ZDHHC14: variants seen among roughly 807,000 people sequenced by gnomAD.
ZDHHC14 encodes palmitoyltransferase ZDHHC14.
Under a neutral mutation model 47.7 loss-of-function variants are expected in ZDHHC14, and 16 were observed. The observed-to-expected ratio is 0.34, with a 90% CI of 0.23 to 0.51. The LOEUF (loss-of-function observed/expected upper bound fraction) is 0.51. Among genes scored for constraint, ZDHHC14 ranks in the 20% least tolerant of loss-of-function variants. ZDHHC14 has a pLI of 0.97. For synonymous variants in ZDHHC14, 293 were observed against 278.9 expected, an observed-to-expected ratio of 1.05 and a Z score of -0.50; for missense variants, 515 against 662.5, an observed-to-expected ratio of 0.78 and a Z score of 2.44.
chr6:157,635,525 T>C (rs1776929507), intron 5 of ZDHHC14, among the ~76,000 whole-genome samples: 1 of 152,248 alleles, frequency 6.6e-6, no homozygotes, highest in African/African-American at 2.4e-5. Flanking sequence ...TTGACAATGA[T>C]ATGCTGACAA....
At chr6:157,668,097 C>T (rs1266618600) in intron 8 of ZDHHC14, among the ~76,000 whole-genome samples, 1 of 152,188 alleles carries the variant, frequency 6.6e-6, no homozygotes, top group African/African-American at 2.4e-5. Flanking sequence ...GTTTTCAAAG[C>T]TGTGAACTAC....
At chr6:157,647,008 G>A (rs1320252088) in intron 6 of ZDHHC14, among the ~76,000 whole-genome samples, 1 of 152,168 alleles carries the variant, frequency 6.6e-6, no homozygotes, top group Non-Finnish European at 1.5e-5. Flanking sequence ...ATATGAGATG[G>A]CCTTTTAGTA....
intron 5 of ZDHHC14, among the ~76,000 whole-genome samples, chr6:157,643,697 C>CT (rs1777378055): frequency 1.0e-5 from 1 of 97,754 alleles, no homozygotes; most frequent in African/African-American, 3.6e-5. Flanking sequence ...TTTATTGTTG[C>CT]TATAAACCTT....
intron 1 of ZDHHC14, among the ~76,000 whole-genome samples, chr6:157,464,427 TTATTAAATTAGATAATTCCTGATTAGA>T (rs1211458942): frequency 6.6e-6 from 1 of 152,254 alleles, no homozygotes; most frequent in Admixed American, 6.5e-5. Flanking sequence ...AGACCAGGAC[TTATTAAATTAGATAATTCCTGATTAGA>T]TATTCTATTT....
intron 1 of ZDHHC14, among the ~76,000 whole-genome samples, chr6:157,416,536 G>A (rs62422842): frequency 2.4e-3 from 369 of 151,814 alleles, no homozygotes; most frequent in Non-Finnish European, 4.2e-3. Context: ...AGGTGTGGTG[G>A]CACATACCTG....
chr6:157,592,675 G>A (rs953163242), intron 2 of ZDHHC14: 8 of 1,014,890 alleles, frequency 7.9e-6, no homozygotes, highest in Non-Finnish European at 8.6e-6. Flanking sequence ...CTCTCCTGCC[G>A]CCTACAGGGA....
intron 1 of ZDHHC14, among the ~76,000 whole-genome samples, chr6:157,484,442 A>G (rs182627588): frequency 6.7e-4 from 98 of 145,412 alleles, no homozygotes; most frequent in East Asian, 1.4e-3. Flanking sequence ...GTATATATAC[A>G]TATATATGTA....
rs192853518 is a variant in ZDHHC14 at position 157,409,842 on chromosome 6, G to C, written c.245+27576G>C. Among the ~76,000 whole-genome samples the C allele has an allele frequency of 1.1e-4, 17 of 151,616 alleles. No homozygotes were observed. The East Asian group carries it at 3.1e-3, about 28-fold the overall frequency. On this transcript the variant is annotated intron_variant, in intron 1 of 8. Coordinates refer to ENST00000359775, the MANE Select transcript of ZDHHC14 (RefSeq NM_024630.3). ...TTTATTTTATTATTTTATTTTTTGG[G>C]GGGGGGGACAGAGTCTTCTTCTGTC...
At chr6:157,412,397 G>A (rs1269617430) in intron 1 of ZDHHC14, among the ~76,000 whole-genome samples, 7 of 149,238 alleles carry the variant, frequency 4.7e-5, no homozygotes, top group Non-Finnish European at 1.0e-4. Flanking sequence ...GGTTCAAGTG[G>A]TTCTCCTGCC....
intron 2 of ZDHHC14, among the ~76,000 whole-genome samples, chr6:157,562,783 G>A (rs1329772208): frequency 6.6e-6 from 1 of 152,206 alleles, no homozygotes; most frequent in Non-Finnish European, 1.5e-5. Flanking sequence ...TTATGTGTGT[G>A]AAGTGTAGTG....
At chr6:157,437,330 T>G (rs1422712344) in intron 1 of ZDHHC14, among the ~76,000 whole-genome samples, 1 of 152,250 alleles carries the variant, frequency 6.6e-6, no homozygotes, top group African/African-American at 2.4e-5. Context: ...AGGAGGCCAC[T>G]TTCCCTCCAG....
At chr6:157,619,778 G>A (rs1285502251) in intron 3 of ZDHHC14, among the ~76,000 whole-genome samples, 1 of 152,034 alleles carries the variant, frequency 6.6e-6, no homozygotes, top group East Asian at 1.9e-4. Flanking sequence ...CACTGTCAAG[G>A]ACTCAAAACC....
chr6:157,665,991 C>T (rs1298106379), intron 8 of ZDHHC14, among the ~76,000 whole-genome samples: 1 of 152,180 alleles, frequency 6.6e-6, no homozygotes, highest in African/African-American at 2.4e-5. Context: ...ACCACATTTT[C>T]ATTATTGCTG....
chr6:157,653,731 G>A (rs1454641889), intron 8 of ZDHHC14, 104 bp downstream of exon 8: 2 of 1,181,072 alleles, frequency 1.7e-6, no homozygotes, highest in Non-Finnish European at 2.4e-6. Context: ...CAGGAGCGGG[G>A]GCAGCCCACA....
At chr6:157,528,960 G>T (rs1164426923) in intron 1 of ZDHHC14, among the ~76,000 whole-genome samples, 2 of 151,712 alleles carry the variant, frequency 1.3e-5, no homozygotes, top group African/African-American at 4.8e-5. Context: ...AAGACTGGGG[G>T]TGGGAGTGGG....
rs537955998 is a variant in ZDHHC14, at chr6:157,412,764, C to T, written c.245+30498C>T. ...GATAGCAGGAGACCACGTAGGTGCACGCCCACGTCAGAATCAGAGCAAAAC... is the reference window on the plus strand; with the variant it reads ...GATAGCAGGAGACCACGTAGGTGCATGCCCACGTCAGAATCAGAGCAAAAC... On this transcript the variant is annotated intron_variant, in intron 1 of 8. Coordinates refer to ENST00000359775, the MANE Select transcript of ZDHHC14 (RefSeq NM_024630.3). Among the ~76,000 whole-genome samples the T allele has an allele frequency of 1.4e-4, 21 of 152,268 alleles. No individual in the cohort carries two copies. The East Asian group carries it at 2.7e-3, about 20-fold the overall frequency.
intron 1 of ZDHHC14, among the ~76,000 whole-genome samples, chr6:157,514,314 A>G (rs1041976261): frequency 6.6e-6 from 1 of 152,166 alleles, no homozygotes; most frequent in African/African-American, 2.4e-5. Context: ...CTCAGGATCC[A>G]TCTACTCTTC....
chr6:157,429,849 C>T (rs9364987), intron 1 of ZDHHC14, among the ~76,000 whole-genome samples: 36,306 of 151,868 alleles, frequency 0.24, 4,564 homozygotes, highest in African/African-American at 0.31. Context: ...TGGCAAGAGA[C>T]AATGGAGGTA....
intron 8 of ZDHHC14, among the ~76,000 whole-genome samples, chr6:157,660,602 T>A (rs1160735309): frequency 1.3e-5 from 2 of 152,202 alleles, no homozygotes. Context: ...GGATAATTTA[T>A]TACAATCTGT....
Sources: allele counts gnomAD v4.1 joint callset (sites outside exome capture counted in the v4.1 genomes callset), GRCh38; gene constraint gnomAD v4.1.1; transcripts MANE v1.5; gene names NCBI Gene and HGNC (gene_info 2026-07-23, HGNC 2026-07-21).